Variants in GPATCH2 observed in about 807,000 individuals in gnomAD.
GPATCH2 encodes the protein G-patch domain containing 2.
Under a neutral mutation model 58.0 loss-of-function variants are expected in GPATCH2, and 51 were observed. The observed-to-expected ratio is 0.88, with a 90% CI of 0.70 to 1.11. The LOEUF is 1.11. GPATCH2 is among the 50% of genes most tolerant of loss of function. GPATCH2 has a pLI of 0.00. For missense variants in GPATCH2, 625 were observed against 652.2 expected (o/e 0.96, Z 0.45); for synonymous variants, 222 against 218.5 (o/e 1.02, Z -0.14).
chr1:217,475,838 A>G (rs971478163), intron 8 of GPATCH2, among the ~76,000 whole-genome samples: 1 of 152,222 alleles, frequency 6.6e-6, no homozygotes, highest in African/African-American at 2.4e-5. Context: ...TCTTCTGGGA[A>G]AGCTGAAGAA....
intron 2 of GPATCH2, among the ~76,000 whole-genome samples, chr1:217,615,650 A>G (rs1288569951): frequency 2.0e-5 from 3 of 152,150 alleles, no homozygotes; most frequent in Non-Finnish European, 2.9e-5. Flanking sequence ...GGCAAAATGT[A>G]TTTAAAATTC....
rs145429553 is a variant in GPATCH2, at chr1:217,472,520, T to A, written c.1277+19160A>T. The stretch of plus-strand genomic sequence containing the variant: ...GGTTTCACTGTGTTAGCCAAGATGG[T>A]CTCGATCTCCTGACCTCATGATCTG... On this transcript the variant is annotated intron_variant, in intron 8 of 9. Coordinates refer to ENST00000366935, the MANE Select transcript of GPATCH2 (RefSeq NM_018040.5). Among the ~76,000 whole-genome samples the A allele has an allele frequency of 2.4e-3, 361 of 152,212 alleles. 4 individuals carry two copies. The highest frequency in any genetic ancestry group is 0.023 in the East Asian group (118 of 5,156).
At chr1:217,618,786 C>T (rs2102835640) in intron 2 of GPATCH2, among the ~76,000 whole-genome samples, 1 of 151,910 alleles carries the variant, frequency 6.6e-6, no homozygotes, top group Admixed American at 6.6e-5. Flanking sequence ...ATGGTGAAAC[C>T]CCGTCTCTAC....
In GPATCH2 at chr1:217,630,946, G is replaced by A. The variant is rs1172172723; in HGVS notation, c.26C>T (p.Pro9Leu). ...GTTCCCGGCTGCTGGAGCTCCGATC[G>A]GTTGGCGCCCGGCGGCCCCGAACAT... MFGAAGRQ[P>L]IGAPAAGNSW... Residue 9 changes from proline to leucine, a missense_variant, in exon 1 of 10, where the codon CCG (proline) becomes CTG (leucine). Physicochemically the swap from Pro to Leu is moderately conservative, Grantham distance 98. Coordinates refer to ENST00000366935, the MANE Select transcript of GPATCH2 (RefSeq NM_018040.5). 7 of 1,589,788 alleles carry A rather than the reference G, an allele frequency of 4.4e-6. No homozygotes were observed. The highest frequency in any genetic ancestry group is 4.0e-5 in the African/African-American group (3 of 74,546).
intron 6 of GPATCH2, among the ~76,000 whole-genome samples, chr1:217,506,646 G>A (rs1375294790): frequency 1.3e-5 from 2 of 152,168 alleles, no homozygotes; most frequent in African/African-American, 4.8e-5. Context: ...AAAACCTTAA[G>A]TGGTTTTCCA....
intron 6 of GPATCH2, among the ~76,000 whole-genome samples, chr1:217,511,882 T>C (rs1662871330): frequency 6.6e-6 from 1 of 152,042 alleles, no homozygotes; most frequent in Non-Finnish European, 1.5e-5. Context: ...TTTATTTGTG[T>C]AAAAGAAAAT....
At chr1:217,489,100 CTT>C (rs779967454) in intron 8 of GPATCH2, among the ~76,000 whole-genome samples, 13 of 139,618 alleles carry the variant, frequency 9.3e-5, no homozygotes, top group Admixed American at 1.4e-4. Context: ...TTTCTCTTCA[CTT>C]TTTTTTTTTT....
intron 5 of GPATCH2, among the ~76,000 whole-genome samples, chr1:217,553,792 T>C (rs186369142): frequency 1.0e-3 from 152 of 152,308 alleles, no homozygotes; most frequent in Non-Finnish European, 1.8e-3. Context: ...AAAATATCAT[T>C]AGCTCAGTTT....
chr1:217,559,721 G>A (rs897951740), intron 5 of GPATCH2, among the ~76,000 whole-genome samples: 1 of 152,204 alleles, frequency 6.6e-6, no homozygotes, highest in Non-Finnish European at 1.5e-5. Context: ...GTGAGCCCCA[G>A]CCCAGTTCAG....
rs371662847 is a variant in GPATCH2, at chr1:217,620,294, A to G, written c.262T>C (p.Leu88=). 2 of 1,613,992 alleles carry G rather than the reference A, an allele frequency of 1.2e-6. No homozygotes were observed. Among genetic ancestry groups the G allele is most frequent in the Non-Finnish European group, 1.7e-6 (2 of 1,179,878 alleles). ...AAACTAGAATCAGAGCCTTCACTTA[A>G]GCAGTGACCAGTCTCCCACGGGTGA... The part of the protein sequence containing the change: ...VHHPWETGHC[L]SEGSDSSLEE... The change falls in exon 2 of 10, where the codon TTA becomes CTA. Residue 88 remains leucine (L), a synonymous_variant. Coordinates refer to ENST00000366935, the MANE Select transcript of GPATCH2 (RefSeq NM_018040.5).
chr1:217,527,331 T>A (rs1208620339), intron 5 of GPATCH2, among the ~76,000 whole-genome samples: 1 of 152,162 alleles, frequency 6.6e-6, no homozygotes, highest in Non-Finnish European at 1.5e-5. Context: ...ACTCACTTCC[T>A]GTGAGGTGAG....
chr1:217,542,807 C>G lies in GPATCH2; in HGVS notation c.1099-27918G>C, dbSNP rs552557359. Among the ~76,000 whole-genome samples, 8 of 152,280 alleles carry G rather than the reference C, an allele frequency of 5.3e-5. No homozygotes were observed. The East Asian group carries it at 1.5e-3, about 29-fold the overall frequency. On this transcript the variant is annotated intron_variant, in intron 5 of 9. Transcript: ENST00000366935. ...ACCTTTGCCTAGGGTTTAATATCCT[C>G]CAGAGTTGACAAGATATTTTCTTCC...
chr1:217,545,085 A>G (rs958710678), intron 5 of GPATCH2, among the ~76,000 whole-genome samples: 3 of 152,206 alleles, frequency 2.0e-5, no homozygotes, highest in Non-Finnish European at 4.4e-5. Flanking sequence ...TATTAAAACC[A>G]ACCAAAACTC....
intron 5 of GPATCH2, among the ~76,000 whole-genome samples, chr1:217,556,825 G>A (rs1005011742): frequency 1.3e-5 from 2 of 152,010 alleles, no homozygotes; most frequent in Non-Finnish European, 2.9e-5. Context: ...ACAATGTTTC[G>A]GGGAAGCCAA....
chr1:217,447,482 A>G (rs749527516), intron 9 of GPATCH2, among the ~76,000 whole-genome samples: 2 of 152,194 alleles, frequency 1.3e-5, no homozygotes, highest in African/African-American at 2.4e-5. Flanking sequence ...ACTTCTTTGC[A>G]TCTTCATTTT....
chr1:217,541,753 A>G (rs1394300165), intron 5 of GPATCH2, among the ~76,000 whole-genome samples: 1 of 152,232 alleles, frequency 6.6e-6, no homozygotes, highest in African/African-American at 2.4e-5. Context: ...ATACTTATTT[A>G]TCATCTACTA....
intron 8 of GPATCH2, among the ~76,000 whole-genome samples, chr1:217,488,995 C>T (rs1356332014): frequency 6.6e-6 from 1 of 151,874 alleles, no homozygotes; most frequent in Non-Finnish European, 1.5e-5. Context: ...TAAATATTTC[C>T]TGTGATTACT....
chr1:217,478,855 A>G (rs1661083875), intron 8 of GPATCH2, among the ~76,000 whole-genome samples: 1 of 152,180 alleles, frequency 6.6e-6, no homozygotes, highest in Non-Finnish European at 1.5e-5. Flanking sequence ...GTGAACAATA[A>G]AATAAAGAAA....
chr1:217,630,768 G>T, intron 1 of GPATCH2, 148 bp downstream of exon 1: 1 of 586,414 alleles, frequency 1.7e-6, no homozygotes, highest in Non-Finnish European at 3.0e-6. Context: ...CAAACTGCGT[G>T]CATCCCAGGA....
Sources: allele counts gnomAD v4.1 joint callset (sites outside exome capture counted in the v4.1 genomes callset), GRCh38; gene constraint gnomAD v4.1.1; transcripts MANE v1.5; gene names NCBI Gene and HGNC (gene_info 2026-07-23, HGNC 2026-07-21).